Variants in DACH2 observed in about 807,000 individuals in gnomAD.
The protein encoded by DACH2 is dachshund homolog 2.
A neutral mutation model predicts 35.8 loss-of-function variants in DACH2; 17 were observed. That is an observed-to-expected ratio of 0.48 (90% CI 0.33 to 0.71). The LOEUF is 0.71. Ranked by LOEUF, DACH2 falls within the 30% of genes least tolerant of loss-of-function variation. The pLI is 0.02. For synonymous variants in DACH2, 195 were observed against 177.3 expected (o/e 1.10, Z -0.79); for missense variants, 469 against 472.7 (o/e 0.99, Z 0.07).
chrX:86,387,495 A>G (rs1008534815), intron 2 of DACH2, among the ~76,000 whole-genome samples: 2 of 111,730 alleles, frequency 1.8e-5, no homozygotes, highest in Middle Eastern at 4.6e-3. Context: ...ACCATCTACT[A>G]GCTCTATGAT....
At chrX:86,629,602 G>T (rs940965686) in intron 3 of DACH2, among the ~76,000 whole-genome samples, 1 of 110,868 alleles carries the variant, frequency 9.0e-6, no homozygotes, top group African/African-American at 3.3e-5. Flanking sequence ...TCACCAGTGG[G>T]CTGGGTTCGG....
chrX:86,468,991 T>C (rs1205146858), intron 2 of DACH2, among the ~76,000 whole-genome samples: 3 of 111,598 alleles, frequency 2.7e-5, no homozygotes, highest in Non-Finnish European at 5.7e-5. Context: ...GAAAATGTTG[T>C]ATATATACAC....
At chrX:86,614,383 A>C (rs922684613) in intron 3 of DACH2, among the ~76,000 whole-genome samples, 1 of 111,718 alleles carries the variant, frequency 9.0e-6, no homozygotes, top group African/African-American at 3.2e-5. Context: ...AATAGAAAAA[A>C]TTAAGAAAAA....
intron 2 of DACH2, among the ~76,000 whole-genome samples, chrX:86,472,019 A>G (rs1312618271): frequency 8.9e-6 from 1 of 112,293 alleles, no homozygotes; most frequent in Non-Finnish European, 1.9e-5. Context: ...TTATTTGTCA[A>G]TTAAAAATGA....
chrX:86,595,450 A>G (rs994768868), intron 3 of DACH2, among the ~76,000 whole-genome samples: 1 of 111,103 alleles, frequency 9.0e-6, no homozygotes, highest in African/African-American at 3.3e-5. Context: ...TGCTAGCATG[A>G]TATATAATTC....
intron 6 of DACH2, among the ~76,000 whole-genome samples, chrX:86,723,266 G>T (rs1224880729): frequency 9.3e-6 from 1 of 107,772 alleles, no homozygotes; most frequent in East Asian, 2.9e-4. Context: ...AATTTCTCAT[G>T]TTGGTTTTTC....
At chrX:86,409,644 C>T (rs1261496124) in intron 2 of DACH2, among the ~76,000 whole-genome samples, 1 of 111,483 alleles carries the variant, frequency 9.0e-6, no homozygotes, top group Admixed American at 9.6e-5. Flanking sequence ...GAAGTAGATG[C>T]CACCACACTT....
At chrX:86,714,746 CA>C in intron 6 of DACH2, 26 bp downstream of exon 6, 1 of 1,099,302 alleles carries the variant, frequency 9.1e-7, no homozygotes, top group Non-Finnish European at 1.2e-6. Flanking sequence ...TAGAAAAGGA[CA>C]AAGGTGTCAA....
intron 6 of DACH2, among the ~76,000 whole-genome samples, chrX:86,717,562 T>G: frequency 9.2e-6 from 1 of 108,923 alleles, no homozygotes; most frequent in Non-Finnish European, 1.9e-5. Context: ...AATATTTGAC[T>G]GGAGTGTAAA....
At chrX:86,596,296 A>G (rs1328591284) in intron 3 of DACH2, among the ~76,000 whole-genome samples, 1 of 111,756 alleles carries the variant, frequency 8.9e-6, no homozygotes, top group Non-Finnish European at 1.9e-5. Context: ...TTTTTTAGGA[A>G]CTACCAAACT....
intron 1 of DACH2, among the ~76,000 whole-genome samples, chrX:86,150,266 TG>T (rs2030317594): frequency 8.9e-6 from 1 of 112,125 alleles, no homozygotes; most frequent in African/African-American, 3.2e-5. Context: ...CAAAGGATTT[TG>T]TTGTAAAACA....
rs188230483 is a variant in DACH2, at chrX:86,635,796, T to C, written c.641-15240T>C. On this transcript the variant is annotated intron_variant, in intron 3 of 11. Coordinates refer to ENST00000373125, the MANE Select transcript of DACH2 (RefSeq NM_053281.3). ...TCATTCACAATTGCCACAAAAAGTA[T>C]AAAATTCCTAGGAATACAGCTAACC... 1.3e-4 allele frequency among the ~76,000 whole-genome samples: 14 copies of C among 111,393 alleles called. No homozygotes were observed. In the East Asian group the frequency reaches 1.4e-3, roughly 11 times the overall value.
chrX:86,445,337 A>C (rs1190882172), intron 2 of DACH2, among the ~76,000 whole-genome samples: 4 of 62,418 alleles, frequency 6.4e-5, no homozygotes, highest in Admixed American at 2.6e-4. Flanking sequence ...GAAGGGGAAT[A>C]TCACACTCTG....
intron 4 of DACH2, among the ~76,000 whole-genome samples, chrX:86,686,069 C>T (rs2040939120): frequency 8.9e-6 from 1 of 111,734 alleles, no homozygotes. Context: ...CTATCACTGT[C>T]TTGAACTCAG....
chrX:86,267,236 A>C (rs764393876), intron 1 of DACH2, among the ~76,000 whole-genome samples: 87 of 109,985 alleles, frequency 7.9e-4, no homozygotes, highest in Middle Eastern at 9.4e-3. Context: ...GAAAATAGAG[A>C]TCAGTGAGCA....
chrX:86,426,562 C>CT (rs1254116402), intron 2 of DACH2, among the ~76,000 whole-genome samples: 1 of 111,764 alleles, frequency 8.9e-6, no homozygotes, highest in Non-Finnish European at 1.9e-5. Flanking sequence ...CAGCGATATA[C>CT]TTTTTCCCAT....
intron 5 of DACH2, among the ~76,000 whole-genome samples, chrX:86,709,366 G>A (rs192585097): frequency 9.0e-6 from 1 of 111,654 alleles, no homozygotes; most frequent in Non-Finnish European, 1.9e-5. Flanking sequence ...TGCAAAGAAT[G>A]AACCTAGACA....
chrX:86,561,980 A>G (rs769862164), intron 3 of DACH2, among the ~76,000 whole-genome samples: 2 of 104,048 alleles, frequency 1.9e-5, no homozygotes, highest in African/African-American at 6.9e-5. Context: ...GCATCTCTAT[A>G]TAAGAACAAT....
chrX:86,168,625 CG>C (rs2031022360), intron 1 of DACH2, among the ~76,000 whole-genome samples: 1 of 106,566 alleles, frequency 9.4e-6, no homozygotes, highest in Non-Finnish European at 2.0e-5. Context: ...GTGACTTTCT[CG>C]GTGATATAAT....
Sources: allele counts gnomAD v4.1 joint callset (sites outside exome capture counted in the v4.1 genomes callset), GRCh38; gene constraint gnomAD v4.1.1; transcripts MANE v1.5; gene names NCBI Gene and HGNC (gene_info 2026-07-23, HGNC 2026-07-21).